The following BSCL2 variants were observed in gnomAD, a reference collection of about 807,000 sequenced individuals.
The protein encoded by BSCL2 is BSCL2 lipid droplet biogenesis associated, seipin.
A neutral mutation model predicts 57.4 loss-of-function variants in BSCL2; 41 were observed. The ratio of observed to expected loss-of-function variants is 0.71; its 90% CI spans 0.56 to 0.93. The LOEUF (loss-of-function observed/expected upper bound fraction) is 0.93. Among genes scored for constraint, BSCL2 ranks in the 40% least tolerant of loss-of-function variants. BSCL2 has a pLI of 0.00. For missense variants in BSCL2, 539 were observed against 586.7 expected (o/e 0.92, Z 0.84); for synonymous variants, 237 against 227.3 (o/e 1.04, Z -0.38).
At chr11:62,701,335 C>G (rs1395278298) in intron 3 of BSCL2, among the ~76,000 whole-genome samples, 1 of 152,108 alleles carries the variant, frequency 6.6e-6, no homozygotes, top group Admixed American at 6.6e-5. Flanking sequence ...TTCCGATAAA[C>G]CCATCTAAGT....
chr11:62,696,278 T>TTTTGTGTGTG (rs1554984017), intron 3 of BSCL2, among the ~76,000 whole-genome samples: 286 of 136,322 alleles, frequency 2.1e-3, no homozygotes, highest in Middle Eastern at 3.7e-3. Context: ...CATAAACTTT[T>TTTTGTGTGTG]TGTGTGTGTG....
Position 62,690,537 on chromosome 11 carries a change from G to C in BSCL2, c.1235-16C>G. On this transcript the variant is annotated splice_polypyrimidine_tract_variant and intron_variant, in intron 10 of 10. Transcript: ENST00000360796. ...GAGCCTGAACCTGGGCCAGGAAAGGGAAAAACAAAATCTCAAATGGGATAT... is the reference window on the plus strand; with the variant it reads ...GAGCCTGAACCTGGGCCAGGAAAGGCAAAAACAAAATCTCAAATGGGATAT... 2 of 1,614,128 alleles carry C rather than the reference G, an allele frequency of 1.2e-6. No homozygotes were observed. Among genetic ancestry groups the C allele is most frequent in the Non-Finnish European group, 1.7e-6 (2 of 1,180,006 alleles).
chr11:62,696,313 T>TGTGTGTGTGTGA (rs925519812), intron 3 of BSCL2, among the ~76,000 whole-genome samples: 55 of 151,414 alleles, frequency 3.6e-4, no homozygotes, highest in Admixed American at 6.6e-4. Context: ...TGTGTGTGTG[T>TGTGTGTGTGTGA]GAAGACAAGG....
intron 3 of BSCL2, among the ~76,000 whole-genome samples, chr11:62,696,925 C>A (rs1211650633): frequency 6.6e-6 from 1 of 151,862 alleles, no homozygotes; most frequent in South Asian, 2.1e-4. Flanking sequence ...GCAGTCCCAG[C>A]TGCTGAGGAG....
chr11:62,696,636 C>A (rs925431056), intron 3 of BSCL2, among the ~76,000 whole-genome samples: 4 of 152,028 alleles, frequency 2.6e-5, no homozygotes, highest in Non-Finnish European at 4.4e-5. Context: ...AGCTCACTGG[C>A]AGCCTCAACC....
At chr11:62,696,306 G>GTA (rs1945460798) in intron 3 of BSCL2, among the ~76,000 whole-genome samples, 1 of 151,642 alleles carries the variant, frequency 6.6e-6, no homozygotes, top group African/African-American at 2.4e-5. Flanking sequence ...GTGTGTGTGT[G>GTA]TGTGTGTGAA....
At chr11:62,692,242 T>C in intron 6 of BSCL2, 134 bp downstream of exon 6, 1 of 882,402 alleles carries the variant, frequency 1.1e-6, no homozygotes. Flanking sequence ...TGTGGCAGCT[T>C]TGAGACCCTC....
At position 62,702,355 on chromosome 11, in the gene BSCL2, C is replaced by T. The variant is rs529097665; in HGVS notation, c.486+113G>A. The T allele has an allele frequency of 1.1e-4, 107 of 982,954 alleles. No homozygotes were observed. The East Asian group carries it at 2.4e-3, about 22-fold the overall frequency. 60.9% of individuals were successfully genotyped at this position (982,954 alleles called of 1,614,324 possible). A position where few individuals can be genotyped will look rare whatever the true frequency, so the allele number is the denominator to read the frequency against. On this transcript the variant is annotated intron_variant, in intron 3 of 10. Coordinates refer to ENST00000360796, the MANE Select transcript of BSCL2 (RefSeq NM_001122955.4). ...TACTGGGATTACAGGCGTGAGCCACCGTGCCCGGCCAGTCTCTTATTACTC... is the reference window on the plus strand; with the variant it reads ...TACTGGGATTACAGGCGTGAGCCACTGTGCCCGGCCAGTCTCTTATTACTC...
At chr11:62,701,950 G>T (rs554638970) in intron 3 of BSCL2, among the ~76,000 whole-genome samples, 34 of 152,008 alleles carry the variant, frequency 2.2e-4, no homozygotes, top group Non-Finnish European at 4.6e-4. Context: ...TTCTTAAGTT[G>T]AATTACCGTA....
At chr11:62,703,773 G>C (rs1055145232) in intron 2 of BSCL2, among the ~76,000 whole-genome samples, 4 of 151,992 alleles carry the variant, frequency 2.6e-5, no homozygotes, top group Non-Finnish European at 5.9e-5. Flanking sequence ...TTAAACCATT[G>C]ATTATAACGC....
At chr11:62,690,737 G>A in intron 9 of BSCL2, 45 bp from the exon 10 acceptor site, 4 of 1,613,790 alleles carry the variant, frequency 2.5e-6, no homozygotes, top group Non-Finnish European at 3.4e-6. Context: ...AGACACTGAA[G>A]GAGAAAGCCA....
intron 4 of BSCL2, among the ~76,000 whole-genome samples, chr11:62,693,140 C>G (rs1462064309): frequency 2.0e-5 from 3 of 152,140 alleles, no homozygotes; most frequent in East Asian, 1.9e-4. Flanking sequence ...AGCTTTCCCC[C>G]CATCATGTAG....
chr11:62,700,663 A>C (rs988183793), intron 3 of BSCL2, among the ~76,000 whole-genome samples: 15 of 149,432 alleles, frequency 1.0e-4, no homozygotes, highest in Admixed American at 6.7e-4. Context: ...TAAATAAATA[A>C]AACTTCAGGC....
Position 62,699,133 on chromosome 11 carries a change from G to T in BSCL2, c.486+3335C>A, listed in dbSNP as rs113332286. ...TTGGCCAGGATGGTCTCGATCTCTTGACCTCATGATCCGCCCGCCTCGGCC... is the reference window on the plus strand; with the variant it reads ...TTGGCCAGGATGGTCTCGATCTCTTTACCTCATGATCCGCCCGCCTCGGCC... On this transcript the variant is annotated intron_variant, in intron 3 of 10. Coordinates refer to ENST00000360796, the MANE Select transcript of BSCL2 (RefSeq NM_001122955.4). Among the ~76,000 whole-genome samples, 454 of 151,282 alleles carry T rather than the reference G, an allele frequency of 3.0e-3. 3 individuals are homozygous for T. The highest frequency in any genetic ancestry group is 0.01 in the African/African-American group (423 of 41,144).
chr11:62,695,403 G>A (rs1344651923), intron 3 of BSCL2, among the ~76,000 whole-genome samples: 2 of 150,016 alleles, frequency 1.3e-5, no homozygotes, highest in African/African-American at 2.5e-5. Context: ...TAGAGGTAAT[G>A]GGTTAAAAAA....
At chr11:62,698,377 T>TTTG (rs1376840433) in intron 3 of BSCL2, among the ~76,000 whole-genome samples, 5 of 151,616 alleles carry the variant, frequency 3.3e-5, no homozygotes, top group African/African-American at 1.2e-4. Flanking sequence ...TTTTGCATTT[T>TTTG]GAGTAGAGAC....
At chr11:62,702,603 A>AT (rs1297745232) in intron 2 of BSCL2, 54 bp from the exon 3 acceptor site, 3 of 1,507,462 alleles carry the variant, frequency 2.0e-6, no homozygotes, top group Admixed American at 1.7e-5. Flanking sequence ...TAGTCCATCC[A>AT]TACACCTTCT....
intron 3 of BSCL2, among the ~76,000 whole-genome samples, chr11:62,701,545 C>T (rs1378994312): frequency 2.6e-5 from 4 of 151,940 alleles, no homozygotes; most frequent in African/African-American, 9.7e-5. Flanking sequence ...CTGTACTGAA[C>T]GTGAAAAACA....
chr11:62,695,751 T>G (rs1327904572), intron 3 of BSCL2, among the ~76,000 whole-genome samples: 1 of 150,192 alleles, frequency 6.7e-6, no homozygotes, highest in Non-Finnish European at 1.5e-5. Context: ...GGAAAATACT[T>G]CCCTAGCCCA....
Sources: allele counts gnomAD v4.1 joint callset (sites outside exome capture counted in the v4.1 genomes callset), GRCh38; gene constraint gnomAD v4.1.1; transcripts MANE v1.5; gene names NCBI Gene and HGNC (gene_info 2026-07-23, HGNC 2026-07-21).